GPC5: variants seen among roughly 807,000 people sequenced by gnomAD.
GPC5 encodes glypican-5.
A neutral mutation model predicts 53.9 loss-of-function variants in GPC5; 47 were observed. That is an observed-to-expected ratio of 0.87 (90% CI 0.69 to 1.11). The LOEUF is 1.11. GPC5 is among the 50% of genes most tolerant of loss of function. GPC5 has a pLI of 0.00. For missense variants in GPC5, 748 were observed against 713.1 expected (o/e 1.05, Z -0.56); for synonymous variants, 286 against 263.3 (o/e 1.09, Z -0.84).
At chr13:91,785,972 C>T (rs1276699584) in intron 5 of GPC5, among the ~76,000 whole-genome samples, 1 of 152,062 alleles carries the variant, frequency 6.6e-6, no homozygotes, top group Non-Finnish European at 1.5e-5. Flanking sequence ...TCAGGTCTGT[C>T]ACTCTCTACT....
At chr13:92,218,064 C>T (rs1451299852) in intron 7 of GPC5, among the ~76,000 whole-genome samples, 1 of 151,746 alleles carries the variant, frequency 6.6e-6, no homozygotes, top group Admixed American at 6.6e-5. Flanking sequence ...GCTAGAACTA[C>T]AGGAATATGC....
chr13:92,657,579 G>GTTTTT (rs67038073), intron 7 of GPC5, among the ~76,000 whole-genome samples: 5 of 106,730 alleles, frequency 4.7e-5, no homozygotes, highest in African/African-American at 1.8e-4. Flanking sequence ...AGGTTTTTTG[G>GTTTTT]TTTTTTTTTT....
At chr13:92,048,648 C>T (rs1478075345) in intron 6 of GPC5, among the ~76,000 whole-genome samples, 1 of 152,184 alleles carries the variant, frequency 6.6e-6, no homozygotes, top group Non-Finnish European at 1.5e-5. Flanking sequence ...ATTCTTATAC[C>T]AGTCATCCAT....
At chr13:92,612,401 A>T (rs1884468365) in intron 7 of GPC5, among the ~76,000 whole-genome samples, 2 of 152,104 alleles carry the variant, frequency 1.3e-5, no homozygotes, top group African/African-American at 4.8e-5. Flanking sequence ...TCAAATCTTA[A>T]CATTATCTTC....
chr13:92,595,216 C>A (rs999998725), intron 7 of GPC5, among the ~76,000 whole-genome samples: 1 of 152,110 alleles, frequency 6.6e-6, no homozygotes, highest in Non-Finnish European at 1.5e-5. Flanking sequence ...TTATGCCCCC[C>A]TTTTTCAAAG....
intron 6 of GPC5, among the ~76,000 whole-genome samples, chr13:92,089,049 G>A (rs2041357186): frequency 6.6e-6 from 1 of 152,206 alleles, no homozygotes; most frequent in Non-Finnish European, 1.5e-5. Context: ...CATTTATAGA[G>A]GAATGGAGAA....
chr13:92,852,553 T>C (rs935885452), intron 7 of GPC5, among the ~76,000 whole-genome samples: 1 of 152,210 alleles, frequency 6.6e-6, no homozygotes, highest in Non-Finnish European at 1.5e-5. Flanking sequence ...CACATGTTCC[T>C]TCCAGGTGGA....
At chr13:91,938,266 A>G (rs2039889793) in intron 6 of GPC5, among the ~76,000 whole-genome samples, 1 of 152,070 alleles carries the variant, frequency 6.6e-6, no homozygotes, top group Admixed American at 6.6e-5. Flanking sequence ...TGGAAGGTGA[A>G]GAAGGAGCAG....
intron 5 of GPC5, among the ~76,000 whole-genome samples, chr13:91,793,314 T>A (rs2138753758): frequency 6.6e-6 from 1 of 152,214 alleles, no homozygotes; most frequent in East Asian, 1.9e-4. Context: ...GCCCCCATGA[T>A]TCAGTTACTG....
intron 6 of GPC5, among the ~76,000 whole-genome samples, chr13:92,144,440 T>C (rs1472412902): frequency 6.6e-6 from 1 of 152,176 alleles, no homozygotes; most frequent in African/African-American, 2.4e-5. Context: ...AGTGTGGGTT[T>C]ACAAAACAGC....
chr13:91,575,832 A>T lies in GPC5; in HGVS notation c.326-117355A>T, dbSNP rs570393380. 2.6e-5 allele frequency among the ~76,000 whole-genome samples: 4 copies of T among 152,278 alleles called. No individual in the cohort carries two copies. In the East Asian group the frequency reaches 7.7e-4, roughly 29 times the overall value. On this transcript the variant is annotated intron_variant, in intron 2 of 7. Coordinates refer to ENST00000377067, the MANE Select transcript of GPC5 (RefSeq NM_004466.6). Reference sequence around the variant, plus strand: ...TATACTTATAAGTAACCATACATTTAAAAAACTTTTTATACTATACCAATT... The same window carrying T: ...TATACTTATAAGTAACCATACATTTTAAAAACTTTTTATACTATACCAATT...
At position 91,972,700 on chromosome 13, in the gene GPC5, G is replaced by A. The variant is rs2040255595; in HGVS notation, c.1401+64643G>A. 2.0e-5 allele frequency among the ~76,000 whole-genome samples: 3 copies of A among 152,112 alleles called. No homozygotes were observed. The South Asian group carries it at 6.2e-4, about 31-fold the overall frequency. On this transcript the variant is annotated intron_variant, in intron 6 of 7. Coordinates refer to ENST00000377067, the MANE Select transcript of GPC5 (RefSeq NM_004466.6). ...CTCTCAGCATTTGCTTGTCTGTAAA[G>A]TATTTTATTTCTCCTTCACTTGTTA...
intron 7 of GPC5, among the ~76,000 whole-genome samples, chr13:92,186,393 A>T (rs1411757973): frequency 6.6e-6 from 1 of 151,988 alleles, no homozygotes; most frequent in East Asian, 1.9e-4. Context: ...AATCTTAATT[A>T]GCAATCATAT....
intron 7 of GPC5, among the ~76,000 whole-genome samples, chr13:92,542,886 A>T (rs1428107251): frequency 6.6e-6 from 1 of 151,890 alleles, no homozygotes; most frequent in African/African-American, 2.4e-5. Context: ...ATGTGACTTG[A>T]TGTTTTTCTC....
intron 7 of GPC5, among the ~76,000 whole-genome samples, chr13:92,558,706 G>A (rs749909544): frequency 6.6e-6 from 1 of 151,834 alleles, no homozygotes; most frequent in African/African-American, 2.4e-5. Flanking sequence ...TTAAGACTTA[G>A]GAAACAAAGC....
chr13:91,614,379 C>T (rs986187488), intron 2 of GPC5, among the ~76,000 whole-genome samples: 1 of 152,142 alleles, frequency 6.6e-6, no homozygotes, highest in African/African-American at 2.4e-5. Context: ...CCAGGCTGGA[C>T]TGCAGTGGCA....
intron 7 of GPC5, among the ~76,000 whole-genome samples, chr13:92,714,291 A>AT (rs1888252841): frequency 1.3e-5 from 2 of 152,198 alleles, no homozygotes; most frequent in African/African-American, 4.8e-5. Flanking sequence ...AAGAATACAG[A>AT]TTTTATGGCA....
At chr13:91,514,872 A>T (rs1885411711) in intron 2 of GPC5, among the ~76,000 whole-genome samples, 1 of 152,100 alleles carries the variant, frequency 6.6e-6, no homozygotes, top group Admixed American at 6.5e-5. Context: ...ACAGCTTTCT[A>T]TGTATTTCAC....
intron 7 of GPC5, among the ~76,000 whole-genome samples, chr13:92,440,350 G>A (rs947686327): frequency 1.4e-4 from 21 of 152,086 alleles, no homozygotes; most frequent in African/African-American, 5.1e-4. Flanking sequence ...GAGAATGTGT[G>A]GTGTTTGGTT....
Sources: gnomAD v4.1 joint callset for allele counts (sites outside exome capture counted in the v4.1 genomes callset) on GRCh38, gnomAD v4.1.1 for gene constraint, MANE v1.5 for transcripts, NCBI Gene and HGNC (gene_info 2026-07-23, HGNC 2026-07-21) for gene names.